NEK10: variants seen among roughly 807,000 people sequenced by gnomAD.
The protein encoded by NEK10 is NIMA related kinase 10, also known as serine/threonine-protein kinase Nek10.
Under a neutral mutation model 159.8 loss-of-function variants are expected in NEK10, and 122 were observed. That is an observed-to-expected ratio of 0.76 (90% CI 0.66 to 0.89). NEK10 has a LOEUF of 0.89. NEK10 is among the 40% of genes least tolerant of loss of function. The probability of loss-of-function intolerance (pLI) is 0.00; values close to 1 mark genes in which losing one functional copy is unlikely to be tolerated. For synonymous variants in NEK10, 466 were observed against 457.1 expected, an observed-to-expected ratio of 1.02 and a Z score of -0.25; for missense variants, 1,342 against 1,323.1, an observed-to-expected ratio of 1.01 and a Z score of -0.22.
At chr3:27,280,129 G>A (rs1278827176) in intron 22 of NEK10, among the ~76,000 whole-genome samples, 2 of 149,542 alleles carry the variant, frequency 1.3e-5, no homozygotes, top group Non-Finnish European at 3.0e-5. Context: ...AGCTGGGAGA[G>A]GGGATATTCT....
At chr3:27,225,552 A>G (rs1952551333) in intron 23 of NEK10, among the ~76,000 whole-genome samples, 1 of 152,206 alleles carries the variant, frequency 6.6e-6, no homozygotes, top group Non-Finnish European at 1.5e-5. Flanking sequence ...ACACAGGAAA[A>G]CACTTATTAA....
chr3:27,220,436 C>G (rs1236104378), intron 23 of NEK10, among the ~76,000 whole-genome samples: 1 of 152,174 alleles, frequency 6.6e-6, no homozygotes, highest in African/African-American at 2.4e-5. Flanking sequence ...TTCTGCCTCC[C>G]TTTTTCATGT....
At chr3:27,254,818 T>C (rs1956013436) in intron 23 of NEK10, among the ~76,000 whole-genome samples, 3 of 151,908 alleles carry the variant, frequency 2.0e-5, no homozygotes, top group African/African-American at 7.3e-5. Flanking sequence ...AATTTAAAAA[T>C]TAAATGAAAA....
intron 23 of NEK10, among the ~76,000 whole-genome samples, chr3:27,230,811 A>C (rs1953168467): frequency 6.6e-6 from 1 of 152,034 alleles, no homozygotes; most frequent in Admixed American, 6.6e-5. Flanking sequence ...TAGTCCAATG[A>C]GAAGACATTA....
chr3:27,206,342 T>C (rs1359431770), intron 23 of NEK10, among the ~76,000 whole-genome samples: 4 of 152,088 alleles, frequency 2.6e-5, no homozygotes, highest in African/African-American at 9.7e-5. Context: ...AGAGAAGATA[T>C]AAAATAAAAC....
At chr3:27,228,421 T>C (rs964663002) in intron 23 of NEK10, among the ~76,000 whole-genome samples, 4 of 152,122 alleles carry the variant, frequency 2.6e-5, no homozygotes, top group Non-Finnish European at 5.9e-5. Flanking sequence ...TTCTCAGTGG[T>C]CCAAAACAAT....
At chr3:27,356,913 T>C (rs982544460) in intron 1 of NEK10, among the ~76,000 whole-genome samples, 1 of 152,190 alleles carries the variant, frequency 6.6e-6, no homozygotes, top group Non-Finnish European at 1.5e-5. Context: ...CCCTGACACA[T>C]AGAACAGCAC....
At chr3:27,227,820 G>C (rs1952793889) in intron 23 of NEK10, among the ~76,000 whole-genome samples, 2 of 152,222 alleles carry the variant, frequency 1.3e-5, no homozygotes, top group Admixed American at 1.3e-4. Flanking sequence ...CTGTTGATCT[G>C]AGAAGTGCCA....
At chr3:27,345,157 T>C (rs930868625) in intron 4 of NEK10, among the ~76,000 whole-genome samples, 6 of 152,208 alleles carry the variant, frequency 3.9e-5, no homozygotes, top group African/African-American at 1.2e-4. Flanking sequence ...TCCATGAACA[T>C]ACAACCTCAA....
chr3:27,142,470 T>C (rs1339969099), intron 30 of NEK10, among the ~76,000 whole-genome samples: 4 of 151,926 alleles, frequency 2.6e-5, no homozygotes, highest in African/African-American at 9.7e-5. Flanking sequence ...ACCTAGAGTG[T>C]GCTTTCCGCA....
chr3:27,222,576 G>A (rs1018087829), intron 23 of NEK10, among the ~76,000 whole-genome samples: 10 of 151,990 alleles, frequency 6.6e-5, no homozygotes, highest in African/African-American at 2.2e-4. Flanking sequence ...TTCTTGATAT[G>A]TATATACATT....
At chr3:27,308,708 C>A (rs1028834131) in intron 10 of NEK10, among the ~76,000 whole-genome samples, 1 of 152,110 alleles carries the variant, frequency 6.6e-6, no homozygotes, top group Non-Finnish European at 1.5e-5. Flanking sequence ...TATTTCCAGT[C>A]AGGAAATAAA....
At chr3:27,244,290 A>G (rs1047397387) in intron 23 of NEK10, among the ~76,000 whole-genome samples, 23 of 152,340 alleles carry the variant, frequency 1.5e-4, no homozygotes, top group African/African-American at 5.3e-4. Flanking sequence ...ATTTTACAGA[A>G]GAATTAAAGG....
At chr3:27,218,736 TAAAAA>T in intron 23 of NEK10, among the ~76,000 whole-genome samples, 1 of 93,182 alleles carries the variant, frequency 1.1e-5, no homozygotes, top group East Asian at 3.3e-4. Context: ...GAATGAAGTC[TAAAAA>T]AAAAAAAAAA....
chr3:27,352,224 T>C (rs779937573), intron 3 of NEK10, among the ~76,000 whole-genome samples: 1 of 152,160 alleles, frequency 6.6e-6, no homozygotes, highest in East Asian at 1.9e-4. Context: ...GTTTGCTAAG[T>C]AGGACACAGG....
At chr3:27,126,807 T>C (rs1196008421) in intron 32 of NEK10, among the ~76,000 whole-genome samples, 1 of 151,896 alleles carries the variant, frequency 6.6e-6, no homozygotes, top group Admixed American at 6.6e-5. Context: ...GACAGCCAAC[T>C]AGCCCCTATT....
intron 30 of NEK10, among the ~76,000 whole-genome samples, chr3:27,145,113 C>T (rs796514333): frequency 2.7e-4 from 41 of 150,710 alleles, no homozygotes; most frequent in African/African-American, 1.0e-3. Context: ...ACTGAAAACG[C>T]TACACTTTCT....
At chr3:27,287,615 T>C in intron 20 of NEK10, 83 bp downstream of exon 20, 1 of 1,415,932 alleles carries the variant, frequency 7.1e-7, no homozygotes, top group Non-Finnish European at 9.5e-7. Context: ...GTTGATTAGG[T>C]TTCTTTTGTG....
intron 22 of NEK10, chr3:27,278,981 T>A (rs1414582038): frequency 1.1e-6 from 1 of 928,172 alleles, no homozygotes; most frequent in Non-Finnish European, 1.3e-6. Context: ...GACCTGAACA[T>A]GTGTCATGGC....
Sources: allele counts gnomAD v4.1 joint callset (sites outside exome capture counted in the v4.1 genomes callset), GRCh38; gene constraint gnomAD v4.1.1; transcripts MANE v1.5; gene names NCBI Gene and HGNC (gene_info 2026-07-23, HGNC 2026-07-21).